CHRNA7: variants seen among roughly 807,000 people sequenced by gnomAD.
The protein encoded by CHRNA7 is neuronal acetylcholine receptor subunit alpha-7.
Under a neutral mutation model 48.0 loss-of-function variants are expected in CHRNA7, and 17 were observed. The observed-to-expected ratio is 0.35, with a 90% CI of 0.24 to 0.53. The LOEUF is 0.53. Ranked by LOEUF, CHRNA7 falls within the 20% of genes least tolerant of loss-of-function variation. The probability of loss-of-function intolerance (pLI) is 0.92; values close to 1 mark genes in which losing one functional copy is unlikely to be tolerated. For synonymous variants in CHRNA7, 75 were observed against 242.3 expected (o/e 0.31, Z 6.41); for missense variants, 155 against 577.7 (o/e 0.27, Z 7.50).
intron 2 of CHRNA7, among the ~76,000 whole-genome samples, chr15:32,078,172 T>G (rs1160423742): frequency 6.6e-6 from 1 of 152,210 alleles, no homozygotes; most frequent in African/African-American, 2.4e-5. Flanking sequence ...TTCTGTGACT[T>G]GGCTTCTCAT....
chr15:32,041,405 A>G (rs955698289), intron 2 of CHRNA7, among the ~76,000 whole-genome samples: 1 of 152,146 alleles, frequency 6.6e-6, no homozygotes, highest in African/African-American at 2.4e-5. Flanking sequence ...GGAGCGTGCA[A>G]CCTAGATCCC....
intron 3 of CHRNA7, among the ~76,000 whole-genome samples, chr15:32,104,318 G>T (rs1322333089): frequency 6.6e-6 from 1 of 151,924 alleles, no homozygotes; most frequent in African/African-American, 2.4e-5. Flanking sequence ...CTGCCAGGAA[G>T]ACTCGTCCCT....
rs1026084427 is a variant in CHRNA7 at position 32,149,436 on chromosome 15, G to A, written c.351-4471G>A. Among the ~76,000 whole-genome samples the A allele has an allele frequency of 1.3e-5, 2 of 152,128 alleles. No homozygotes were observed. Among genetic ancestry groups the A allele is most frequent in the African/African-American group, 4.8e-5 (2 of 41,416 alleles). On this transcript the variant is annotated intron_variant, in intron 4 of 9. Transcript: ENST00000306901. This position sits in a 1 kb window ranked among gnomAD's most constrained non-coding sequence, Gnocchi z 4.6. ...GGTTCTGGCCACTCACATTTCCGAG[G>A]TTCTTCATTTCCCACCTCAGATCAC...
rs191010200 is a variant in CHRNA7 at position 32,085,208 on chromosome 15, G to A, written c.196-16095G>A. ...CTTTGCTATTTAAATAAGCTTAGGA[G>A]CATCTGCAAACTTAGAAAGTTTCCT... On this transcript the variant is annotated intron_variant, in intron 2 of 9. Coordinates refer to ENST00000306901, the MANE Select transcript of CHRNA7 (RefSeq NM_000746.6). 3.3e-5 allele frequency among the ~76,000 whole-genome samples: 5 copies of A among 152,226 alleles called. No individual in the cohort carries two copies. The East Asian group carries it at 7.7e-4, about 24-fold the overall frequency.
intron 2 of CHRNA7, among the ~76,000 whole-genome samples, chr15:32,058,528 G>C (rs1447162171): frequency 6.6e-6 from 1 of 152,190 alleles, no homozygotes; most frequent in Non-Finnish European, 1.5e-5. Context: ...GTGTCACTTG[G>C]AAAGTGTACT....
chr15:32,099,842 C>T (rs2050540480), intron 2 of CHRNA7: 1 of 152,202 alleles, frequency 6.6e-6, no homozygotes, highest in Non-Finnish European at 1.5e-5. Flanking sequence ...ACAGCTTTTC[C>T]CACCAAAAAC....
intron 4 of CHRNA7, among the ~76,000 whole-genome samples, chr15:32,137,580 T>C (rs1348316420): frequency 6.6e-6 from 1 of 152,168 alleles, no homozygotes; most frequent in Non-Finnish European, 1.5e-5. Context: ...AAAATGTAAG[T>C]ATGTAGGAGT....
At chr15:32,163,425 G>A (rs2051964800) in intron 9 of CHRNA7, 90 bp downstream of exon 9, 1 of 385,140 alleles carries the variant, frequency 2.6e-6, no homozygotes, top group African/African-American at 3.7e-5. Context: ...CAAAAAATGG[G>A]CATTCCTAAA....
At chr15:32,109,709 G>A (rs2050730626) in intron 3 of CHRNA7, among the ~76,000 whole-genome samples, 2 of 152,166 alleles carry the variant, frequency 1.3e-5, no homozygotes, top group Admixed American at 6.5e-5. Context: ...CTGAACCCTG[G>A]CGTCCTCTTG....
At chr15:32,141,366 G>C (rs1374658094) in intron 4 of CHRNA7, among the ~76,000 whole-genome samples, 1 of 152,180 alleles carries the variant, frequency 6.6e-6, no homozygotes, top group African/African-American at 2.4e-5. Flanking sequence ...GATGCCTCCA[G>C]CTTTGTTGTT....
intron 2 of CHRNA7, among the ~76,000 whole-genome samples, chr15:32,066,284 AT>A (rs35118714): frequency 0.43 from 63,243 of 145,436 alleles, 14,878 homozygotes; most frequent in South Asian, 0.61. Context: ...ACATTATAGT[AT>A]TTTTTTTTTT....
At chr15:32,063,119 G>A (rs772192222) in intron 2 of CHRNA7, among the ~76,000 whole-genome samples, 4 of 152,188 alleles carry the variant, frequency 2.6e-5, no homozygotes, top group Non-Finnish European at 5.9e-5. Flanking sequence ...CAGCTTGCAG[G>A]ACTGGAAGTT....
At chr15:32,096,420 G>A (rs2050469795) in intron 2 of CHRNA7, among the ~76,000 whole-genome samples, 1 of 151,916 alleles carries the variant, frequency 6.6e-6, no homozygotes. Flanking sequence ...GCTGACTCAG[G>A]GAAAACCTCA....
intron 4 of CHRNA7, among the ~76,000 whole-genome samples, chr15:32,147,553 AAAAT>A (rs1033264161): frequency 6.6e-6 from 1 of 152,188 alleles, no homozygotes; most frequent in Non-Finnish European, 1.5e-5. Flanking sequence ...ACCCTGTCTC[AAAAT>A]AAATAAATAA....
At chr15:32,050,051 C>T (rs1359018061) in intron 2 of CHRNA7, among the ~76,000 whole-genome samples, 4 of 152,268 alleles carry the variant, frequency 2.6e-5, no homozygotes, top group South Asian at 2.1e-4. Context: ...GTGGGTAACC[C>T]GACCTTTCTC....
At chr15:32,142,827 T>C (rs1293720484) in intron 4 of CHRNA7, among the ~76,000 whole-genome samples, 3 of 152,176 alleles carry the variant, frequency 2.0e-5, no homozygotes, top group Admixed American at 2.0e-4. Context: ...TTATTAGTCT[T>C]GCTAGCGGTC....
intron 4 of CHRNA7, among the ~76,000 whole-genome samples, chr15:32,115,641 T>A (rs1021065669): frequency 1.3e-5 from 2 of 151,988 alleles, no homozygotes; most frequent in East Asian, 1.9e-4. Flanking sequence ...AAGGGAAACC[T>A]CCCTGACACC....
chr15:32,168,770 C>CG lies in CHRNA7; in HGVS notation c.*312_*313insG. On this transcript the variant is annotated 3_prime_UTR_variant, in exon 10 of 10. Coordinates refer to ENST00000306901, the MANE Select transcript of CHRNA7 (RefSeq NM_000746.6). ...CCCTTCGGAGAGCTCCCCATGGCTCCTCACCACCGAGACAGTTGGTTTTGC... is the reference window on the plus strand; with the variant it reads ...CCCTTCGGAGAGCTCCCCATGGCTCCGTCACCACCGAGACAGTTGGTTTTGC... 1.6e-4 allele frequency: 3 copies of CG among 18,902 alleles called. No homozygotes were observed. The highest frequency in any genetic ancestry group is 3.2e-4 in the Non-Finnish European group (3 of 9,292). The allele number at this position is 18,902 out of a possible 1,614,324, so 1.2% of individuals were successfully genotyped here.
chr15:32,130,533 G>GAT (rs925866062), intron 4 of CHRNA7, among the ~76,000 whole-genome samples: 10 of 149,248 alleles, frequency 6.7e-5, no homozygotes, highest in South Asian at 4.3e-4. Flanking sequence ...GTGTGTCTGT[G>GAT]ATATATATAT....
Sources: allele counts gnomAD v4.1 joint callset (sites outside exome capture counted in the v4.1 genomes callset), GRCh38; gene constraint gnomAD v4.1.1; non-coding constraint Gnocchi (gnomAD v3.1); transcripts MANE v1.5; gene names NCBI Gene and HGNC (gene_info 2026-07-23, HGNC 2026-07-21).